SPAM1: variants seen among roughly 807,000 people sequenced by gnomAD.
SPAM1 encodes the protein sperm adhesion molecule 1, also known as hyaluronidase PH-20.
A neutral mutation model predicts 29.6 loss-of-function variants in SPAM1; 22 were observed. That is an observed-to-expected ratio of 0.74 (90% CI 0.53 to 1.06). The LOEUF (loss-of-function observed/expected upper bound fraction) is 1.06. Ranked by LOEUF, SPAM1 falls within the 50% of genes least tolerant of loss-of-function variation. The pLI, the probability that SPAM1 is intolerant of heterozygous loss-of-function variation, is 0.00. For missense variants in SPAM1, 534 were observed against 604.0 expected (o/e 0.88, Z 1.21); for synonymous variants, 194 against 204.6 (o/e 0.95, Z 0.44).
intron 1 of SPAM1, among the ~76,000 whole-genome samples, chr7:123,937,402 C>G (rs1432244850): frequency 2.0e-5 from 3 of 152,076 alleles, no homozygotes; most frequent in East Asian, 3.9e-4. Context: ...GAGATCGAGA[C>G]CATCCTGGAT....
intron 4 of SPAM1, 142 bp from the exon 5 acceptor site, chr7:123,959,342 A>C: frequency 1.7e-6 from 1 of 604,736 alleles, no homozygotes; most frequent in South Asian, 2.3e-5. Flanking sequence ...TTGTTGGTTA[A>C]GGTAAAAAAG....
chr7:123,965,523 C>T (rs1368742292), intron 5 of SPAM1, among the ~76,000 whole-genome samples: 1 of 152,002 alleles, frequency 6.6e-6, no homozygotes, highest in East Asian at 1.9e-4. Context: ...CTGCATATGG[C>T]TACCCAGTTC....
downstream of SPAM1, among the ~76,000 whole-genome samples, chr7:123,962,306 C>T (rs921507744): frequency 1.1e-4 from 16 of 151,694 alleles, no homozygotes; most frequent in Non-Finnish European, 2.9e-5. Flanking sequence ...CCCTTGGTCA[C>T]TTGTATGTTT....
At chr7:123,960,923 A>C (rs1792349729), downstream of SPAM1, among the ~76,000 whole-genome samples, 1 of 151,950 alleles carries the variant, frequency 6.6e-6, no homozygotes, top group South Asian at 2.1e-4. Context: ...ATTATTATGC[A>C]TTTTTTAAAA....
At chr7:123,954,554 A>T in intron 3 of SPAM1, 30 bp downstream of exon 3, 1 of 1,381,618 alleles carries the variant, frequency 7.2e-7, no homozygotes, top group Non-Finnish European at 9.9e-7. Context: ...AGGGCTAGGA[A>T]ATGAAATTCA....
Position 123,953,622 on chromosome 7 carries a change from A to G in SPAM1, c.52A>G (p.Ser18Gly). 6.2e-7 allele frequency: 1 copy of G among 1,606,504 alleles called. No individual in the cohort carries two copies. Among genetic ancestry groups the G allele is most frequent in the South Asian group, 1.1e-5 (1 of 89,160 alleles). The change falls in exon 3 of 5, where the codon AGT becomes GGT. Residue 18 changes from serine to glycine, a missense_variant. Coordinates refer to ENST00000682466, the MANE Select transcript of SPAM1 (RefSeq NM_153189.3). ...HIFFRSFVKS[S>G]GVSQIVFTFL... The stretch of plus-strand genomic sequence containing the variant: ...CTTTTTCAGAAGCTTTGTTAAATCA[A>G]GTGGAGTATCCCAGATAGTTTTCAC...
intron 5 of SPAM1, chr7:123,970,066 A>C (rs1181033845): frequency 3.6e-5 from 29 of 808,410 alleles, no homozygotes; most frequent in Non-Finnish European, 4.7e-5. Context: ...GTCCGGGTTC[A>C]CTTTCTTTAC....
chr7:123,964,370 A>G (rs756760362), downstream of SPAM1, among the ~76,000 whole-genome samples: 5 of 151,952 alleles, frequency 3.3e-5, no homozygotes, highest in Non-Finnish European at 7.4e-5. Flanking sequence ...ATTATGTATC[A>G]CATATCACTT....
intron 2 of SPAM1, among the ~76,000 whole-genome samples, chr7:123,953,076 G>A (rs1231520954): frequency 6.6e-6 from 1 of 152,040 alleles, no homozygotes; most frequent in Non-Finnish European, 1.5e-5. Flanking sequence ...TTTTGCTAAG[G>A]CATTGCTTGG....
chr7:123,936,940 A>G (rs1395428380), intron 1 of SPAM1, among the ~76,000 whole-genome samples: 2 of 152,178 alleles, frequency 1.3e-5, no homozygotes, highest in South Asian at 2.1e-4. Context: ...GAATTTTGCT[A>G]TGTATAACTC....
At chr7:123,932,730 A>G (rs1808125833) in intron 1 of SPAM1, among the ~76,000 whole-genome samples, 3 of 152,222 alleles carry the variant, frequency 2.0e-5, no homozygotes. Flanking sequence ...GCTAATCTGA[A>G]TTTGAAAAGG....
chr7:123,939,170 C>G (rs1808347558), intron 1 of SPAM1, among the ~76,000 whole-genome samples: 1 of 151,274 alleles, frequency 6.6e-6, no homozygotes, highest in Non-Finnish European at 1.5e-5. Context: ...ACTGCAAGCT[C>G]CGCCTCCCGG....
At chr7:123,932,827 C>T (rs1370900717) in intron 1 of SPAM1, among the ~76,000 whole-genome samples, 1 of 152,040 alleles carries the variant, frequency 6.6e-6, no homozygotes, top group Non-Finnish European at 1.5e-5. Context: ...AAATGTTTAC[C>T]TTTGGCTAAC....
chr7:123,942,198 A>G (rs1046844816), intron 1 of SPAM1, among the ~76,000 whole-genome samples: 2 of 152,204 alleles, frequency 1.3e-5, no homozygotes, highest in African/African-American at 4.8e-5. Context: ...GGGGAAAAAG[A>G]GGAATAGAAG....
intron 5 of SPAM1, among the ~76,000 whole-genome samples, chr7:123,966,681 C>T (rs1439392388): frequency 1.3e-5 from 2 of 151,998 alleles, no homozygotes; most frequent in African/African-American, 4.8e-5. Context: ...GAAAACCAAA[C>T]ACCACATGTT....
chr7:123,942,018 A>G (rs985844585), intron 1 of SPAM1, among the ~76,000 whole-genome samples: 4 of 152,232 alleles, frequency 2.6e-5, no homozygotes, highest in African/African-American at 9.6e-5. Flanking sequence ...GAAAATTGAT[A>G]TAGGCACTAT....
chr7:123,955,128 T>C, intron 4 of SPAM1, 42 bp downstream of exon 4: 5 of 1,349,098 alleles, frequency 3.7e-6, no homozygotes, highest in African/African-American at 1.4e-5. Flanking sequence ...TATTTCTATG[T>C]TTAATGTTTT....
intron 5 of SPAM1, chr7:123,970,112 T>C: frequency 7.2e-7 from 1 of 1,382,766 alleles, no homozygotes; most frequent in South Asian, 1.3e-5. Flanking sequence ...TATATCTCCA[T>C]TAGTTTGCTA....
At chr7:123,940,042 C>T (rs144075389) in intron 1 of SPAM1, among the ~76,000 whole-genome samples, 16 of 151,788 alleles carry the variant, frequency 1.1e-4, no homozygotes, top group African/African-American at 3.1e-4. Flanking sequence ...TCCCCTATTG[C>T]AATTGTTTTT....
Sources: gnomAD v4.1 joint callset for allele counts (sites outside exome capture counted in the v4.1 genomes callset) on GRCh38, gnomAD v4.1.1 for gene constraint, MANE v1.5 for transcripts, NCBI Gene and HGNC (gene_info 2026-07-23, HGNC 2026-07-21) for gene names.